The following CAMK2D variants were observed in gnomAD, a reference collection of about 807,000 sequenced individuals.
The protein encoded by CAMK2D is calcium/calmodulin dependent protein kinase II delta.
CAMK2D carries 37 observed loss-of-function variants against 84.0 expected under a neutral mutation model. The observed-to-expected ratio is 0.44, with a 90% CI of 0.34 to 0.58. The LOEUF is 0.58. Among genes scored for constraint, CAMK2D ranks in the 20% least tolerant of loss-of-function variants. The pLI, the probability that CAMK2D is intolerant of heterozygous loss-of-function variation, is 0.02. For missense variants in CAMK2D, 448 were observed against 652.5 expected (o/e 0.69, Z 3.41); for synonymous variants, 202 against 212.5 (o/e 0.95, Z 0.43).
chr4:113,492,305 T>G (rs1348108728), intron 16 of CAMK2D, among the ~76,000 whole-genome samples: 1 of 152,204 alleles, frequency 6.6e-6, no homozygotes, highest in Non-Finnish European at 1.5e-5. Context: ...CTCTACACAC[T>G]GCTTTGAATG....
intron 2 of CAMK2D, among the ~76,000 whole-genome samples, chr4:113,757,433 C>T (rs1191039719): frequency 6.6e-6 from 1 of 152,036 alleles, no homozygotes; most frequent in Non-Finnish European, 1.5e-5. Flanking sequence ...CAAGATCACA[C>T]AGCCAGTAGG....
chr4:113,714,421 T>C (rs113105529), intron 2 of CAMK2D, among the ~76,000 whole-genome samples: 1 of 152,084 alleles, frequency 6.6e-6, no homozygotes, highest in Non-Finnish European at 1.5e-5. Context: ...TTATTCCACA[T>C]AAATCAACTT....
chr4:113,747,087 AT>A (rs35998929), intron 2 of CAMK2D, among the ~76,000 whole-genome samples: 10,097 of 151,428 alleles, frequency 0.067, 465 homozygotes, highest in Non-Finnish European at 0.098. Context: ...TTACATATTA[AT>A]TTTTTTTACT....
At chr4:113,526,483 T>G (rs1213926541) in intron 8 of CAMK2D, among the ~76,000 whole-genome samples, 1 of 151,784 alleles carries the variant, frequency 6.6e-6, no homozygotes, top group Non-Finnish European at 1.5e-5. Flanking sequence ...ATCTATCTAA[T>G]ATTTGCTTAA....
intron 4 of CAMK2D, among the ~76,000 whole-genome samples, chr4:113,595,071 C>A (rs1009355134): frequency 6.6e-6 from 1 of 151,966 alleles, no homozygotes; most frequent in African/African-American, 2.4e-5. Context: ...AAGAAAAAAT[C>A]TTTACAAAGA....
intron 16 of CAMK2D, among the ~76,000 whole-genome samples, chr4:113,470,788 C>A (rs187628414): frequency 6.6e-6 from 1 of 152,282 alleles, no homozygotes; most frequent in East Asian, 1.9e-4. Flanking sequence ...ACCGATTAAT[C>A]AGTTTTCTCT....
intron 2 of CAMK2D, among the ~76,000 whole-genome samples, chr4:113,694,239 C>T (rs2099396507): frequency 1.3e-5 from 2 of 152,102 alleles, no homozygotes; most frequent in Admixed American, 6.6e-5. Flanking sequence ...CATCAAGATA[C>T]ATTAAAGACT....
intron 2 of CAMK2D, chr4:113,753,807 GGT>G: frequency 1.2e-6 from 1 of 815,768 alleles, no homozygotes; most frequent in Non-Finnish European, 1.5e-6. Context: ...GGGCGGGGGT[GGT>G]ACTTAAGCCC....
intron 4 of CAMK2D, among the ~76,000 whole-genome samples, chr4:113,603,960 A>G (rs1046575383): frequency 6.6e-6 from 1 of 151,414 alleles, no homozygotes; most frequent in African/African-American, 2.4e-5. Flanking sequence ...AAGAAAAAAA[A>G]AGAAGAAAAT....
At chr4:113,678,497 ATAT>A (rs1291892660) in intron 2 of CAMK2D, among the ~76,000 whole-genome samples, 1 of 151,720 alleles carries the variant, frequency 6.6e-6, no homozygotes, top group African/African-American at 2.4e-5. Context: ...TAGTTGACAC[ATAT>A]TATAATAATT....
intron 12 of CAMK2D, among the ~76,000 whole-genome samples, chr4:113,511,550 C>T (rs1217202846): frequency 6.6e-6 from 1 of 152,124 alleles, no homozygotes; most frequent in Non-Finnish European, 1.5e-5. Context: ...TTGCCATTAA[C>T]AATTTATGCT....
chr4:113,743,488 A>G (rs1351125027), intron 2 of CAMK2D, among the ~76,000 whole-genome samples: 1 of 152,156 alleles, frequency 6.6e-6, no homozygotes, highest in African/African-American at 2.4e-5. Context: ...GTCTCCAAAG[A>G]CCATCCAACT....
chr4:113,633,553 T>A (rs2099098645), intron 3 of CAMK2D, among the ~76,000 whole-genome samples: 1 of 152,158 alleles, frequency 6.6e-6, no homozygotes, highest in Non-Finnish European at 1.5e-5. Context: ...CCAAACATAA[T>A]CAAATTACAC....
At chr4:113,544,927 T>A (rs2098555957) in intron 6 of CAMK2D, among the ~76,000 whole-genome samples, 1 of 152,182 alleles carries the variant, frequency 6.6e-6, no homozygotes, top group South Asian at 2.1e-4. Flanking sequence ...TTCAGGGACA[T>A]CCTGAAATTG....
intron 3 of CAMK2D, among the ~76,000 whole-genome samples, chr4:113,637,171 T>G (rs1173877761): frequency 6.6e-6 from 1 of 152,176 alleles, no homozygotes; most frequent in Non-Finnish European, 1.5e-5. Context: ...ATAGAAGCAG[T>G]ATAAGGGCAA....
At chr4:113,736,400 T>G (rs1428238426) in intron 2 of CAMK2D, among the ~76,000 whole-genome samples, 1 of 152,144 alleles carries the variant, frequency 6.6e-6, no homozygotes, top group East Asian at 1.9e-4. Context: ...ACCTCAATAT[T>G]TAAAATATAC....
At position 113,453,812 on chromosome 4, in the gene CAMK2D, A is replaced by G. The variant is rs1334237194; in HGVS notation, c.*733T>C. On this transcript the variant is annotated 3_prime_UTR_variant, in exon 21 of 21. Coordinates refer to ENST00000511664, the MANE Select transcript of CAMK2D (RefSeq NM_001321571.2). Reference sequence around the variant, plus strand: ...GATCACAGATTTGAGAAAGAAAAACAATTCAATTCAGCAAATTCACCAAAA... The same window carrying G: ...GATCACAGATTTGAGAAAGAAAAACGATTCAATTCAGCAAATTCACCAAAA... 6.6e-6 allele frequency: 1 copy of G among 152,606 alleles called. No homozygotes were observed. The highest frequency in any genetic ancestry group is 2.4e-5 in the African/African-American group (1 of 41,452). 9.5% of individuals were successfully genotyped at this position (152,606 alleles called of 1,614,324 possible).
intron 2 of CAMK2D, among the ~76,000 whole-genome samples, chr4:113,722,661 GGAC>G (rs1259978521): frequency 6.6e-6 from 1 of 152,018 alleles, no homozygotes; most frequent in Non-Finnish European, 1.5e-5. Context: ...ATCATATTGG[GGAC>G]GACATCAAGT....
chr4:113,559,005 G>A (rs192963483), intron 4 of CAMK2D, among the ~76,000 whole-genome samples: 57 of 151,824 alleles, frequency 3.8e-4, no homozygotes, highest in African/African-American at 1.4e-3. Context: ...TACTAAAATC[G>A]AATATTAATT....
Sources: allele counts gnomAD v4.1 joint callset (sites outside exome capture counted in the v4.1 genomes callset), GRCh38; gene constraint gnomAD v4.1.1; transcripts MANE v1.5; gene names NCBI Gene and HGNC (gene_info 2026-07-23, HGNC 2026-07-21).